The following SLCO3A1 variants were observed in gnomAD, a reference collection of about 807,000 sequenced individuals.
SLCO3A1 encodes PGE1 transporter.
In SLCO3A1, 27 loss-of-function variants were observed where a neutral mutation model predicts 63.1. The observed-to-expected ratio is 0.43, with a 90% CI of 0.32 to 0.59. The LOEUF (loss-of-function observed/expected upper bound fraction) is 0.59, where lower values mean the gene tolerates loss of function less well. Ranked by LOEUF, SLCO3A1 falls within the 20% of genes least tolerant of loss-of-function variation. The pLI is 0.09. For synonymous variants in SLCO3A1, 473 were observed against 409.9 expected (o/e 1.15, Z -1.86); for missense variants, 773 against 945.8 (o/e 0.82, Z 2.40).
At chr15:92,059,129 CG>C (rs1189940164) in intron 2 of SLCO3A1, among the ~76,000 whole-genome samples, 1 of 152,198 alleles carries the variant, frequency 6.6e-6, no homozygotes, top group African/African-American at 2.4e-5. Context: ...TTGGAAGTCT[CG>C]GGGTAACTGA....
rs189152694 is a variant in SLCO3A1, at chr15:92,095,877, G to A, written c.745+898G>A. 3.7e-3 allele frequency among the ~76,000 whole-genome samples: 560 copies of A among 152,184 alleles called. 12 individuals carry two copies. The highest frequency in any genetic ancestry group is 1.9e-3 in the Non-Finnish European group (132 of 68,020). On this transcript the variant is annotated intron_variant, in intron 3 of 9. Transcript: ENST00000318445. Reference sequence around the variant, plus strand: ...AAGACAGGAAACCAGTTTTACTCTGGCCCTTGAAACCTCTACTCAGAAATG... The same window carrying A: ...AAGACAGGAAACCAGTTTTACTCTGACCCTTGAAACCTCTACTCAGAAATG...
intron 9 of SLCO3A1, among the ~76,000 whole-genome samples, chr15:92,159,797 C>T (rs56388810): frequency 0.02 from 3,027 of 152,196 alleles, 105 homozygotes; most frequent in African/African-American, 0.069. Flanking sequence ...GTATGCCCTA[C>T]TTAGAAGACA....
rs79510337 is a variant in SLCO3A1 at position 92,100,266 on chromosome 15, C to T, written c.746-4013C>T. On this transcript the variant is annotated intron_variant, in intron 3 of 9. Transcript: ENST00000318445. Reference sequence around the variant, plus strand: ...CTGTCCCCTTTACCAGACTTCCCTCCGAATGAAATGGCATCTGTTCTCATC... The same window carrying T: ...CTGTCCCCTTTACCAGACTTCCCTCTGAATGAAATGGCATCTGTTCTCATC... Among the ~76,000 whole-genome samples, 403 of 152,204 alleles carry T rather than the reference C, an allele frequency of 2.6e-3. 2 individuals are homozygous for T. Among genetic ancestry groups the T allele is most frequent in the African/African-American group, 9.3e-3 (388 of 41,516 alleles).
chr15:92,109,020 C>T (rs1462642057), intron 4 of SLCO3A1, among the ~76,000 whole-genome samples: 5 of 152,112 alleles, frequency 3.3e-5, no homozygotes, highest in African/African-American at 1.2e-4. Context: ...TTCCAATGCA[C>T]AGAACAGTGC....
rs907267568 is a variant in SLCO3A1, at chr15:92,021,232, G to A, written c.647-73649G>A. On this transcript the variant is annotated intron_variant, in intron 2 of 9. Coordinates refer to ENST00000318445, the MANE Select transcript of SLCO3A1 (RefSeq NM_013272.4). Reference sequence around the variant, plus strand: ...GCAGAAGGCCTGCTGAATCCCTGATGCAGATGTCACTTACTCTTTTAAGAA... The same window carrying A: ...GCAGAAGGCCTGCTGAATCCCTGATACAGATGTCACTTACTCTTTTAAGAA... 1.6e-4 allele frequency among the ~76,000 whole-genome samples: 24 copies of A among 152,326 alleles called. No individual in the cohort carries two copies. In the East Asian group the frequency reaches 4.6e-3, roughly 29 times the overall value.
chr15:92,107,353 T>C (rs1415092469), intron 4 of SLCO3A1, among the ~76,000 whole-genome samples: 1 of 152,214 alleles, frequency 6.6e-6, no homozygotes, highest in Non-Finnish European at 1.5e-5. Context: ...CACATGCCAG[T>C]GCATGAAGTG....
In SLCO3A1 at chr15:91,942,171, T is replaced by A. The variant is rs1394058720; in HGVS notation, c.646+25713T>A. On this transcript the variant is annotated intron_variant, in intron 2 of 9. Transcript: ENST00000318445. The surrounding 1 kb of genome is among the most constrained non-coding windows in gnomAD (Gnocchi z 4.1). ...GCTTTTCTTATTAAAATTTTACTTGTAGAAATAAAAAGGTGGCACCTCTGT... is the reference window on the plus strand; with the variant it reads ...GCTTTTCTTATTAAAATTTTACTTGAAGAAATAAAAAGGTGGCACCTCTGT... Among the ~76,000 whole-genome samples the A allele has an allele frequency of 6.6e-6, 1 of 152,228 alleles. No homozygotes were observed. The highest frequency in any genetic ancestry group is 1.5e-5 in the Non-Finnish European group (1 of 68,038).
rs760556504 is a variant in SLCO3A1, at chr15:92,147,145, C to A, written c.1674C>A (p.Val558=). 2.5e-6 allele frequency: 4 copies of A among 1,611,834 alleles called. No homozygotes were observed. In the South Asian group the frequency reaches 4.4e-5, roughly 18 times the overall value. Residue 558 remains valine, a synonymous_variant, in exon 8 of 10, where the codon GTC becomes GTA. Transcript: ENST00000318445. ...GTGCCATGGCACAGACACCCTCAGT[C>A]ATCATCCTCATCAGGTAAGCCCTCG... ...LIGAMAQTPS[V]IILIRTVSPE... is the part of the protein sequence containing the mutation.
At chr15:92,048,031 A>T (rs1011109575) in intron 2 of SLCO3A1, among the ~76,000 whole-genome samples, 1 of 151,822 alleles carries the variant, frequency 6.6e-6, no homozygotes, top group Non-Finnish European at 1.5e-5. Flanking sequence ...CCCCTAATAG[A>T]CCACAGCCAT....
At chr15:91,994,013 G>A (rs2046160150) in intron 2 of SLCO3A1, among the ~76,000 whole-genome samples, 1 of 152,214 alleles carries the variant, frequency 6.6e-6, no homozygotes, top group South Asian at 2.1e-4. Flanking sequence ...GATGACTGTG[G>A]CCCTGGCTGA....
intron 2 of SLCO3A1, among the ~76,000 whole-genome samples, chr15:91,955,452 C>T (rs113351180): frequency 0.059 from 9,032 of 152,154 alleles, 385 homozygotes; most frequent in Non-Finnish European, 0.09. Context: ...CCTGTCTCAG[C>T]CTCTCTAGTA....
At chr15:92,160,376 T>C (rs956738108) in intron 9 of SLCO3A1, among the ~76,000 whole-genome samples, 2 of 152,078 alleles carry the variant, frequency 1.3e-5, no homozygotes, top group Admixed American at 1.3e-4. Context: ...GTTGGCTCTT[T>C]CAACTGGAGT....
chr15:91,971,412 C>CAAAAAAAAAAAAAAAAAAAAAAAA (rs1193750050), intron 2 of SLCO3A1, among the ~76,000 whole-genome samples: 2 of 43,232 alleles, frequency 4.6e-5, no homozygotes, highest in Admixed American at 2.6e-4. Flanking sequence ...AAAAAAAAAG[C>CAAAAAAAAAAAAAAAAAAAAAAAA]AACCTCTTCC....
chr15:92,089,058 CT>C (rs1226881708), intron 2 of SLCO3A1, among the ~76,000 whole-genome samples: 1 of 151,690 alleles, frequency 6.6e-6, no homozygotes, highest in Non-Finnish European at 1.5e-5. Flanking sequence ...TGGAGTCTGT[CT>C]CTGTCGCCCA....
intron 7 of SLCO3A1, among the ~76,000 whole-genome samples, chr15:92,146,070 AAAGCC>A (rs1428137042): frequency 6.6e-6 from 1 of 152,210 alleles, no homozygotes; most frequent in African/African-American, 2.4e-5. Flanking sequence ...ATGTGCTCTG[AAAGCC>A]AAGCAGTCCT....
intron 2 of SLCO3A1, among the ~76,000 whole-genome samples, chr15:92,060,618 G>A (rs1198320248): frequency 1.3e-5 from 2 of 151,966 alleles, no homozygotes; most frequent in African/African-American, 4.8e-5. Flanking sequence ...TCCTGCCTCA[G>A]CCTCCCAAGT....
At chr15:92,097,702 ACGGTCTTT>A (rs1253267709) in intron 3 of SLCO3A1, among the ~76,000 whole-genome samples, 1 of 152,130 alleles carries the variant, frequency 6.6e-6, no homozygotes, top group Non-Finnish European at 1.5e-5. Context: ...ATTGTCAGTC[ACGGTCTTT>A]GTTTGCGTCC....
intron 8 of SLCO3A1, chr15:92,148,683 C>A (rs906800340): frequency 1.3e-5 from 2 of 152,144 alleles, no homozygotes; most frequent in Non-Finnish European, 2.9e-5. Flanking sequence ...CCCTTTTATT[C>A]AGTAACCCTA....
chr15:92,006,400 C>T (rs1017426525), intron 2 of SLCO3A1, among the ~76,000 whole-genome samples: 4 of 152,200 alleles, frequency 2.6e-5, no homozygotes, highest in African/African-American at 4.8e-5. Flanking sequence ...GACTTTGGTA[C>T]AGCTACTGAG....
Sources: gnomAD v4.1 joint callset for allele counts (sites outside exome capture counted in the v4.1 genomes callset) on GRCh38, gnomAD v4.1.1 for gene constraint, Gnocchi (gnomAD v3.1) non-coding constraint, MANE v1.5 for transcripts, NCBI Gene and HGNC (gene_info 2026-07-23, HGNC 2026-07-21) for gene names.